Variants in PAK1IP1 observed in about 807,000 individuals in gnomAD.
PAK1IP1 encodes the protein PAK1 interacting protein 1.
A neutral mutation model predicts 42.0 loss-of-function variants in PAK1IP1; 24 were observed. The ratio of observed to expected loss-of-function variants is 0.57; its 90% CI spans 0.41 to 0.80. The LOEUF (loss-of-function observed/expected upper bound fraction) is 0.80, where lower values mean the gene tolerates loss of function less well. PAK1IP1 is among the 30% of genes least tolerant of loss of function. The probability of loss-of-function intolerance (pLI) is 0.00; values close to 1 mark genes in which losing one functional copy is unlikely to be tolerated. For synonymous variants in PAK1IP1, 154 were observed against 156.7 expected (o/e 0.98, Z 0.13); for missense variants, 411 against 467.9 (o/e 0.88, Z 1.12).
intron 7 of PAK1IP1, among the ~76,000 whole-genome samples, chr6:10,707,160 T>A (rs1188394678): frequency 6.6e-6 from 1 of 152,212 alleles, no homozygotes; most frequent in African/African-American, 2.4e-5. Flanking sequence ...ATAACCTGAT[T>A]ATTTATAGTT....
At chr6:10,707,715 A>G (rs1341119953) in intron 8 of PAK1IP1, among the ~76,000 whole-genome samples, 1 of 152,036 alleles carries the variant, frequency 6.6e-6, no homozygotes, top group Admixed American at 6.5e-5. Flanking sequence ...AGCTGGTGGG[A>G]TCCCAGAACT....
intron 7 of PAK1IP1, 49 bp from the exon 8 acceptor site, chr6:10,707,366 G>A: frequency 9.8e-7 from 1 of 1,018,170 alleles, no homozygotes; most frequent in Non-Finnish European, 1.6e-6. Flanking sequence ...AACAATATTA[G>A]ACTATTTGGA....
upstream of PAK1IP1, chr6:10,694,591 A>AATG: frequency 1.1e-5 from 2 of 180,128 alleles, no homozygotes; most frequent in Non-Finnish European, 2.4e-5. Flanking sequence ...CCGGCGCTAC[A>AATG]GCCCCTAAGC....
Position 10,709,263 on chromosome 6 carries a change from C to G in PAK1IP1, c.990C>G (p.Gly330=), listed in dbSNP as rs756535328. ...TAAGTAAAGAACAGTCCAAAATTGGCAAAAAGGAGCCTGGTGACACAGTGC... is the reference window on the plus strand; with the variant it reads ...TAAGTAAAGAACAGTCCAAAATTGGGAAAAAGGAGCCTGGTGACACAGTGC... ...SPVSKEQSKI[G]KKEPGDTVHK... Residue 330 remains glycine, a synonymous_variant, in exon 10 of 10, where the codon GGC becomes GGG. Transcript: ENST00000379568. The G allele has an allele frequency of 6.2e-7, 1 of 1,610,028 alleles. No homozygotes were observed. The highest frequency in any genetic ancestry group is 2.2e-5 in the East Asian group (1 of 44,860).
intron 2 of PAK1IP1, 54 bp downstream of exon 2, chr6:10,697,540 G>T (rs979976438): frequency 5.5e-6 from 7 of 1,267,796 alleles, no homozygotes; most frequent in South Asian, 1.4e-5. Context: ...TTTACAATTT[G>T]ACTTCAGTTG....
At chr6:10,705,226 G>A (rs1268122141) in intron 7 of PAK1IP1, among the ~76,000 whole-genome samples, 1 of 152,098 alleles carries the variant, frequency 6.6e-6, no homozygotes, top group African/African-American at 2.4e-5. Flanking sequence ...GGTGAGGCAG[G>A]AGAATCACTT....
At position 10,709,336 on chromosome 6, in the gene PAK1IP1, A is replaced by T. The variant is rs138082481; in HGVS notation, c.1063A>T (p.Thr355Ser). Reference protein sequence around the residue: ...SKPNTKKRGLTGDSKKATKES... With the variant: ...SKPNTKKRGLSGDSKKATKES... ...ACCTAACACAAAGAAACGCGGTTTA[A>T]CAGGTGACAGTAAGAAAGCAACAAA... The change falls in exon 10 of 10, where the codon ACA (threonine) becomes TCA (serine). Residue 355 changes from threonine (T) to serine (S), a missense_variant. Thr to Ser is a moderately conservative substitution (Grantham distance 58, BLOSUM62 1). Transcript: ENST00000379568. 336 of 1,613,988 alleles carry T rather than the reference A, an allele frequency of 2.1e-4. 3 individuals carry two copies. The highest frequency in any genetic ancestry group is 1.6e-4 in the Middle Eastern group (1 of 6,084).
intron 2 of PAK1IP1, among the ~76,000 whole-genome samples, chr6:10,699,342 A>G (rs999435880): frequency 3.3e-5 from 5 of 152,160 alleles, no homozygotes; most frequent in Non-Finnish European, 7.4e-5. Context: ...TGTGGTCAGC[A>G]AATAGCTTCC....
intron 2 of PAK1IP1, 130 bp downstream of exon 2, chr6:10,697,616 A>G: frequency 1.3e-6 from 1 of 748,738 alleles, no homozygotes; most frequent in African/African-American, 1.8e-5. Context: ...TTAAAAAAAA[A>G]TGGTTTCTTA....
chr6:10,694,900 G>GAT (rs1205830271), upstream of PAK1IP1: 4 of 836,400 alleles, frequency 4.8e-6, no homozygotes, highest in African/African-American at 7.2e-5. Context: ...AAAGGAGTCA[G>GAT]GTGTTTTTTT....
chr6:10,693,167 T>C (rs950839304), upstream of PAK1IP1, among the ~76,000 whole-genome samples: 1 of 152,190 alleles, frequency 6.6e-6, no homozygotes, highest in Non-Finnish European at 1.5e-5. Flanking sequence ...GGTATCAGTT[T>C]AAGATTATGA....
At chr6:10,694,268 A>T (rs2127476361), upstream of PAK1IP1, among the ~76,000 whole-genome samples, 1 of 151,666 alleles carries the variant, frequency 6.6e-6, no homozygotes, top group Admixed American at 6.6e-5. Context: ...CTCAAAAAAA[A>T]AAAAAAAAAA....
chr6:10,696,697 C>G (rs143208715), intron 1 of PAK1IP1, among the ~76,000 whole-genome samples: 2,053 of 152,340 alleles, frequency 0.013, 46 homozygotes, highest in African/African-American at 0.046. Flanking sequence ...AATCCCAGCA[C>G]TTTGGGAGGG....
intron 8 of PAK1IP1, 118 bp downstream of exon 8, chr6:10,707,632 C>T: frequency 1.6e-6 from 1 of 640,448 alleles, no homozygotes. Context: ...CTCTTCCAGG[C>T]ATGATTGATA....
chr6:10,707,561 T>C, intron 8 of PAK1IP1, 47 bp downstream of exon 8: 1 of 1,185,902 alleles, frequency 8.4e-7, no homozygotes, highest in Non-Finnish European at 1.3e-6. Flanking sequence ...CAAGTCTTGC[T>C]CATAAGTGAG....
upstream of PAK1IP1, among the ~76,000 whole-genome samples, chr6:10,691,429 CG>C (rs1769295265): frequency 6.6e-6 from 1 of 152,016 alleles, no homozygotes; most frequent in African/African-American, 2.4e-5. Flanking sequence ...CTGCATGCAC[CG>C]GTAATTAGAA....
At chr6:10,700,699 C>T (rs1184533457) in intron 2 of PAK1IP1, among the ~76,000 whole-genome samples, 1 of 152,206 alleles carries the variant, frequency 6.6e-6, no homozygotes, top group Non-Finnish European at 1.5e-5. Context: ...CCCATTAGTA[C>T]AAGTGTTCAA....
intron 2 of PAK1IP1, among the ~76,000 whole-genome samples, chr6:10,700,690 C>G (rs933865627): frequency 3.9e-5 from 6 of 152,100 alleles, no homozygotes; most frequent in Non-Finnish European, 8.8e-5. Flanking sequence ...CTGCCCAAAC[C>G]CATTAGTACA....
intron 7 of PAK1IP1, among the ~76,000 whole-genome samples, chr6:10,705,651 G>A (rs899254985): frequency 1.3e-5 from 2 of 152,072 alleles, no homozygotes; most frequent in Non-Finnish European, 2.9e-5. Flanking sequence ...GTAGTTAAGT[G>A]GTTGGCCAAT....
Sources: gnomAD v4.1 joint callset for allele counts (sites outside exome capture counted in the v4.1 genomes callset) on GRCh38, gnomAD v4.1.1 for gene constraint, MANE v1.5 for transcripts, NCBI Gene and HGNC (gene_info 2026-07-23, HGNC 2026-07-21) for gene names.